EXOC4: variants seen among roughly 807,000 people sequenced by gnomAD.
EXOC4 encodes the protein SEC8-like 1.
Under a neutral mutation model 107.2 loss-of-function variants are expected in EXOC4, and 71 were observed. The observed-to-expected ratio is 0.66, with a 90% CI of 0.55 to 0.81. The LOEUF (loss-of-function observed/expected upper bound fraction) is 0.81, where lower values mean the gene tolerates loss of function less well. EXOC4 is among the 30% of genes least tolerant of loss of function. The pLI is 0.00. For missense variants in EXOC4, 1,108 were observed against 1,189.6 expected, an observed-to-expected ratio of 0.93 and a Z score of 1.01; for synonymous variants, 456 against 441.2, an observed-to-expected ratio of 1.03 and a Z score of -0.42.
chr7:133,552,515 C>T (rs1466925140), intron 9 of EXOC4, among the ~76,000 whole-genome samples: 1 of 152,132 alleles, frequency 6.6e-6, no homozygotes, highest in Admixed American at 6.6e-5. Flanking sequence ...TTTGAAATTA[C>T]TTCAAAAGCC....
intron 9 of EXOC4, among the ~76,000 whole-genome samples, chr7:133,580,240 G>A (rs1312629352): frequency 1.3e-5 from 2 of 152,122 alleles, no homozygotes; most frequent in Admixed American, 1.3e-4. Flanking sequence ...GACTTACATG[G>A]CGTGTACATT....
At chr7:133,910,060 A>T (rs1799656579) in intron 12 of EXOC4, among the ~76,000 whole-genome samples, 1 of 148,640 alleles carries the variant, frequency 6.7e-6, no homozygotes, top group East Asian at 2.0e-4. Context: ...AGTAACTGGG[A>T]TCACAGGCAT....
rs577829862 is a variant in EXOC4, at chr7:133,662,579, C to T, written c.1514+32438C>T. On this transcript the variant is annotated intron_variant, in intron 10 of 17. Transcript: ENST00000253861. ...CTATCACGTATGGCTAGTTTAAGAG[C>T]GTTATTTAATCTAGAGTAACAGTTC... Among the ~76,000 whole-genome samples, 6 of 151,856 alleles carry T rather than the reference C, an allele frequency of 4.0e-5. No homozygotes were observed. The East Asian group carries it at 7.7e-4, about 20-fold the overall frequency.
At chr7:133,456,058 C>T (rs773778484) in intron 7 of EXOC4, among the ~76,000 whole-genome samples, 34 of 152,150 alleles carry the variant, frequency 2.2e-4, no homozygotes, top group Non-Finnish European at 4.4e-4. Context: ...AATCAATATA[C>T]GTGTATTCTG....
At chr7:133,741,024 C>A (rs1383676284) in intron 10 of EXOC4, among the ~76,000 whole-genome samples, 2 of 152,160 alleles carry the variant, frequency 1.3e-5, no homozygotes, top group African/African-American at 2.4e-5. Context: ...CAGTCACATA[C>A]AGGGTAAATA....
At chr7:133,460,071 G>A (rs1238957411) in intron 7 of EXOC4, among the ~76,000 whole-genome samples, 1 of 152,186 alleles carries the variant, frequency 6.6e-6, no homozygotes, top group African/African-American at 2.4e-5. Context: ...TTTGGCATCA[G>A]GGACCAGTTT....
At chr7:133,708,312 G>T (rs974119252) in intron 10 of EXOC4, among the ~76,000 whole-genome samples, 1 of 152,164 alleles carries the variant, frequency 6.6e-6, no homozygotes, top group Non-Finnish European at 1.5e-5. Context: ...GTTTGGGAAA[G>T]AACAAACATT....
intron 5 of EXOC4, among the ~76,000 whole-genome samples, chr7:133,330,726 C>A (rs1446812387): frequency 1.3e-5 from 2 of 152,030 alleles, no homozygotes; most frequent in East Asian, 3.9e-4. Context: ...ATTCCTTGTG[C>A]TTCCTGGGTG....
chr7:133,564,181 A>G (rs1356567700), intron 9 of EXOC4, among the ~76,000 whole-genome samples: 4 of 152,182 alleles, frequency 2.6e-5, no homozygotes, highest in African/African-American at 4.8e-5. Context: ...TGCAGGCTGT[A>G]TGGGAAGCAT....
intron 5 of EXOC4, among the ~76,000 whole-genome samples, chr7:133,353,432 T>C (rs1238129456): frequency 4.6e-5 from 7 of 152,038 alleles, no homozygotes; most frequent in African/African-American, 1.7e-4. Context: ...AGTTTTTTTA[T>C]TTGTTTGTTT....
At chr7:133,777,047 G>T (rs965025093) in intron 10 of EXOC4, among the ~76,000 whole-genome samples, 4 of 152,016 alleles carry the variant, frequency 2.6e-5, no homozygotes, top group Non-Finnish European at 5.9e-5. Flanking sequence ...AGAGCCAAGA[G>T]AATTAATTTA....
chr7:133,338,112 T>C (rs1728315405), intron 5 of EXOC4, among the ~76,000 whole-genome samples: 1 of 151,918 alleles, frequency 6.6e-6, no homozygotes, highest in African/African-American at 2.4e-5. Context: ...TATCATTATT[T>C]CTGTCTTTAT....
intron 11 of EXOC4, among the ~76,000 whole-genome samples, chr7:133,856,117 A>C (rs2116299643): frequency 6.6e-6 from 1 of 152,342 alleles, no homozygotes; most frequent in South Asian, 2.1e-4. Context: ...TGGGCTTTGG[A>C]ATGAGACACA....
At chr7:133,753,807 G>A (rs1382260942) in intron 10 of EXOC4, among the ~76,000 whole-genome samples, 3 of 152,146 alleles carry the variant, frequency 2.0e-5, no homozygotes, top group Non-Finnish European at 2.9e-5. Context: ...GAGCCTAACG[G>A]CCTGTTTTAC....
At chr7:133,618,253 G>A (rs1467875357) in intron 9 of EXOC4, among the ~76,000 whole-genome samples, 2 of 150,858 alleles carry the variant, frequency 1.3e-5, no homozygotes, top group Non-Finnish European at 3.0e-5. Flanking sequence ...GTGTACATCT[G>A]TATTTATGTT....
chr7:133,975,598 G>T (rs149607984), intron 14 of EXOC4, among the ~76,000 whole-genome samples: 7 of 152,046 alleles, frequency 4.6e-5, no homozygotes, highest in African/African-American at 1.7e-4. Context: ...GTATGATCTC[G>T]TGAATAGAAA....
chr7:133,717,168 T>C (rs1315656879), intron 10 of EXOC4, among the ~76,000 whole-genome samples: 1 of 152,238 alleles, frequency 6.6e-6, no homozygotes, highest in East Asian at 1.9e-4. Flanking sequence ...ATTTTTCTTA[T>C]CCTTTAAGGT....
rs116537753 is a variant in EXOC4, at chr7:133,923,547, A to T, written c.2027+5809A>T. 2.4e-3 allele frequency among the ~76,000 whole-genome samples: 362 copies of T among 152,274 alleles called. 5 individuals carry two copies. The highest frequency in any genetic ancestry group is 8.2e-3 in the African/African-American group (339 of 41,560). On this transcript the variant is annotated intron_variant, in intron 13 of 17. Transcript: ENST00000253861. ...TTTTATGCACACGTATTTATTGGCC[A>T]TTTGAATATCCTCTTTTGTAACATA... is the stretch of plus-strand genomic sequence containing the variant.
chr7:134,026,226 C>T lies in EXOC4; in HGVS notation c.2687+18391C>T, dbSNP rs1406077400. Among the ~76,000 whole-genome samples, 4 of 151,664 alleles carry T rather than the reference C, an allele frequency of 2.6e-5. No individual in the cohort carries two copies. In the East Asian group the frequency reaches 7.8e-4, roughly 30 times the overall value. On this transcript the variant is annotated intron_variant, in intron 17 of 17. Coordinates refer to ENST00000253861, the MANE Select transcript of EXOC4 (RefSeq NM_021807.4). ...CAACTCCTGCTTCTATTTGCATCTG[C>T]TTGTCTTTATAACTACATAGCCTGT...
Sources: allele counts gnomAD v4.1 joint callset (sites outside exome capture counted in the v4.1 genomes callset), GRCh38; gene constraint gnomAD v4.1.1; transcripts MANE v1.5; gene names NCBI Gene and HGNC (gene_info 2026-07-23, HGNC 2026-07-21).